Variants in UGT3A1 observed in about 807,000 individuals in gnomAD.
UGT3A1 encodes the protein UDP-glycosyltransferase 3A1.
A neutral mutation model predicts 37.6 loss-of-function variants in UGT3A1; 40 were observed. The observed-to-expected ratio is 1.06, with a 90% CI of 0.83 to 1.38. The LOEUF (loss-of-function observed/expected upper bound fraction) is 1.38, where lower values mean the gene tolerates loss of function less well. UGT3A1 is among the 40% of genes most tolerant of loss of function. UGT3A1 has a pLI of 0.00. For synonymous variants in UGT3A1, 256 were observed against 232.3 expected, an observed-to-expected ratio of 1.10 and a Z score of -0.93; for missense variants, 642 against 634.2, an observed-to-expected ratio of 1.01 and a Z score of -0.13.
intron 2 of UGT3A1, among the ~76,000 whole-genome samples, chr5:35,978,071 G>T (rs1166244790): frequency 1.3e-5 from 2 of 152,118 alleles, no homozygotes; most frequent in Non-Finnish European, 2.9e-5. Context: ...GTCTCACTTT[G>T]TCACCCAGGC....
intron 2 of UGT3A1, among the ~76,000 whole-genome samples, chr5:35,986,298 G>T (rs1190192300): frequency 6.6e-6 from 1 of 152,066 alleles, no homozygotes; most frequent in Non-Finnish European, 1.5e-5. Flanking sequence ...ACTACCATAT[G>T]ATGCAGCAAT....
At chr5:35,962,030 GATCC>G (rs35276278) in intron 4 of UGT3A1, 86,936 of 151,466 alleles carry the variant, frequency 0.57, 25,541 homozygotes, top group African/African-American at 0.67. Flanking sequence ...TCAACACTGG[GATCC>G]ATCCCATCCA....
At position 35,954,112 on chromosome 5, in the gene UGT3A1, A is replaced by C; in HGVS notation, c.*90T>G. The C allele has an allele frequency of 7.2e-7, 1 of 1,395,894 alleles. No homozygotes were observed. The highest frequency in any genetic ancestry group is 9.8e-7 in the Non-Finnish European group (1 of 1,017,774). The allele number at this position is 1,395,894 out of a possible 1,614,324, so 86.5% of individuals were successfully genotyped here. On this transcript the variant is annotated 3_prime_UTR_variant, in exon 7 of 7. Transcript: ENST00000274278. ...CAGGATCAGTGGCAGGTGGAGCTGA[A>C]GAGAGAACAGAGGGGTGGCGTGTGC...
rs1739219218 is a variant in UGT3A1, at chr5:35,952,642, A to C, written c.*1560T>G. On this transcript the variant is annotated 3_prime_UTR_variant, in exon 7 of 7. Coordinates refer to ENST00000274278, the MANE Select transcript of UGT3A1 (RefSeq NM_152404.4). Reference sequence around the variant, plus strand: ...CTTATGTTGCTCATGAGGGGAATGAAATCATGGCTGTTGATTCAACAGAAA... The same window carrying C: ...CTTATGTTGCTCATGAGGGGAATGACATCATGGCTGTTGATTCAACAGAAA... The C allele has an allele frequency of 6.6e-6, 1 of 152,174 alleles. No individual in the cohort carries two copies. Among genetic ancestry groups the C allele is most frequent in the Non-Finnish European group, 1.5e-5 (1 of 68,026 alleles). The allele number at this position is 152,174 out of a possible 1,614,324, so 9.4% of individuals were successfully genotyped here. A position where few individuals can be genotyped will look rare whatever the true frequency, so the allele number is the denominator to read the frequency against.
At position 35,997,844 on chromosome 5, in the gene UGT3A1, C is replaced by T. The variant is rs1198212453; in HGVS notation, c.-159-515G>A. On this transcript the variant is annotated intron_variant, in intron 1 of 5. Coordinates refer to the UGT3A1 transcript ENST00000625798. ...AGTCTATATTTACTCAAACAGTTAG[C>T]CATCAAGGGACACAAAGTGTCCAAA... Among the ~76,000 whole-genome samples the T allele has an allele frequency of 1.4e-4, 21 of 152,318 alleles. No individual in the cohort carries two copies. The East Asian group carries it at 3.7e-3, about 27-fold the overall frequency.
chr5:35,991,332 A>G lies in UGT3A1; in HGVS notation c.-92T>C, dbSNP rs539366445. ...GTGCGCGCCTCAGTACTCCAAAGGCACTGGCTGTGGGCCTAGGAAGAGGTA... is the reference window on the plus strand; with the variant it reads ...GTGCGCGCCTCAGTACTCCAAAGGCGCTGGCTGTGGGCCTAGGAAGAGGTA... On this transcript the variant is annotated 5_prime_UTR_variant, in exon 1 of 7. Transcript: ENST00000274278. 2.1e-5 allele frequency: 33 copies of G among 1,575,618 alleles called. No individual in the cohort carries two copies. In the East Asian group the frequency reaches 7.0e-4, roughly 33 times the overall value.
chr5:35,965,493 A>C lies in UGT3A1; in HGVS notation c.736T>G (p.Leu246Val). Reference sequence around the variant, plus strand: ...GCAAAATCAGAGTTAACAAACCACAACTCTGCTTTCAGTAGAAGATGAGAC... The same window carrying C: ...GCAAAATCAGAGTTAACAAACCACACCTCTGCTTTCAGTAGAAGATGAGAC... ...VLSHLLLKAE[L>V]WFVNSDFAFD... The change falls in exon 4 of 7, where the codon TTG becomes GTG. Residue 246 changes from leucine (L) to valine (V), a missense_variant. Physicochemically the swap from Leu to Val is conservative, Grantham distance 32 (BLOSUM62 1). Coordinates refer to ENST00000274278, the MANE Select transcript of UGT3A1 (RefSeq NM_152404.4). The C allele has an allele frequency of 1.2e-6, 2 of 1,614,086 alleles. No individual in the cohort carries two copies. Among genetic ancestry groups the C allele is most frequent in the Non-Finnish European group, 1.7e-6 (2 of 1,180,008 alleles).
chr5:35,997,677 G>A (rs780435877), intron 1 of UGT3A1, among the ~76,000 whole-genome samples: 3 of 152,008 alleles, frequency 2.0e-5, no homozygotes, highest in Non-Finnish European at 2.9e-5. Context: ...CACCCACCTC[G>A]GCCTCCCAAA....
intron 4 of UGT3A1, among the ~76,000 whole-genome samples, chr5:35,963,418 GA>G (rs1356513315): frequency 6.6e-6 from 1 of 152,130 alleles, no homozygotes; most frequent in Non-Finnish European, 1.5e-5. Flanking sequence ...ATCTTGTTTA[GA>G]TTGTCTCAAA....
intron 2 of UGT3A1, among the ~76,000 whole-genome samples, chr5:35,985,888 A>G (rs892803191): frequency 6.6e-6 from 1 of 152,218 alleles, no homozygotes; most frequent in African/African-American, 2.4e-5. Context: ...GCTTCTGCAC[A>G]GCAAAGGAAA....
upstream of UGT3A1, among the ~76,000 whole-genome samples, chr5:35,994,631 C>A (rs1474029365): frequency 6.6e-6 from 1 of 152,074 alleles, no homozygotes; most frequent in Non-Finnish European, 1.5e-5. Context: ...AAGGAGCTGA[C>A]CCCTCCCACA....
chr5:35,965,971 T>C (rs1739794241), intron 3 of UGT3A1, 54 bp from the exon 4 acceptor site: 5 of 1,347,824 alleles, frequency 3.7e-6, no homozygotes, highest in Non-Finnish European at 4.9e-6. Context: ...TTTTACAGTA[T>C]TTGGGAGAAT....
At chr5:35,991,473 A>C (rs1313797898), upstream of UGT3A1, 35 of 1,354,298 alleles carry the variant, frequency 2.6e-5, 1 homozygote, top group South Asian at 6.6e-4. Flanking sequence ...AACTACCTGA[A>C]GTCAGTAGGA....
chr5:35,986,343 G>A (rs1740728134), intron 2 of UGT3A1, among the ~76,000 whole-genome samples: 1 of 151,960 alleles, frequency 6.6e-6, no homozygotes, highest in Non-Finnish European at 1.5e-5. Context: ...AAGAAAAAAA[G>A]TCAATATATC....
In UGT3A1 at chr5:35,951,446, C is replaced by T. The variant is rs914239028; in HGVS notation, c.*2756G>A. 2.0e-5 allele frequency: 3 copies of T among 152,032 alleles called. No individual in the cohort carries two copies. The highest frequency in any genetic ancestry group is 4.8e-5 in the African/African-American group (2 of 41,404). 9.4% of individuals were successfully genotyped at this position (152,032 alleles called of 1,614,324 possible). ...ATCCTATAGTTACTCTTACTCTTTG[C>T]TATTTTTTACTTAACCATATTGGAA... On this transcript the variant is annotated 3_prime_UTR_variant, in exon 7 of 7. Coordinates refer to ENST00000274278, the MANE Select transcript of UGT3A1 (RefSeq NM_152404.4).
At chr5:35,985,099 A>G (rs1047508917) in intron 2 of UGT3A1, among the ~76,000 whole-genome samples, 2 of 144,182 alleles carry the variant, frequency 1.4e-5, no homozygotes, top group African/African-American at 5.0e-5. Flanking sequence ...AAAAAAAGAA[A>G]TTCCATTTAT....
Position 35,997,707 on chromosome 5 carries a change from G to T in UGT3A1, c.-159-378C>A, listed in dbSNP as rs369986280. Reference sequence around the variant, plus strand: ...CCCAAAGTGCTGGGATTACAGGCATGAGCCACAGCACCCAGCCAGAGGATT... The same window carrying T: ...CCCAAAGTGCTGGGATTACAGGCATTAGCCACAGCACCCAGCCAGAGGATT... On this transcript the variant is annotated intron_variant, in intron 1 of 5. Coordinates refer to the UGT3A1 transcript ENST00000625798. Among the ~76,000 whole-genome samples, 67 of 152,304 alleles carry T rather than the reference G, an allele frequency of 4.4e-4. 1 individual carries two copies. Among genetic ancestry groups the T allele is most frequent in the African/African-American group, 1.6e-3 (66 of 41,572 alleles).
At chr5:35,970,456 G>A (rs1739992357) in intron 2 of UGT3A1, among the ~76,000 whole-genome samples, 1 of 150,836 alleles carries the variant, frequency 6.6e-6, no homozygotes, top group South Asian at 2.1e-4. Context: ...GCACAGGAAA[G>A]ACCTGTCCCC....
intron 1 of UGT3A1, among the ~76,000 whole-genome samples, chr5:35,989,808 G>C (rs1283392273): frequency 6.6e-6 from 1 of 152,196 alleles, no homozygotes; most frequent in African/African-American, 2.4e-5. Flanking sequence ...CTCAGAAAGC[G>C]GGGAAAAGAC....
Sources: allele counts gnomAD v4.1 joint callset (sites outside exome capture counted in the v4.1 genomes callset), GRCh38; gene constraint gnomAD v4.1.1; transcripts MANE v1.5; gene names NCBI Gene and HGNC (gene_info 2026-07-23, HGNC 2026-07-21).